RAD51B: variants seen among roughly 807,000 people sequenced by gnomAD.
RAD51B encodes DNA repair protein RAD51 homolog 2.
Under a neutral mutation model 42.2 loss-of-function variants are expected in RAD51B, and 38 were observed. That is an observed-to-expected ratio of 0.90 (90% CI 0.70 to 1.18). RAD51B has a LOEUF of 1.18. Among genes scored for constraint, RAD51B ranks in the 50% most tolerant of loss-of-function variants. The pLI is 0.00. For synonymous variants in RAD51B, 154 were observed against 145.2 expected (o/e 1.06, Z -0.43); for missense variants, 373 against 400.7 (o/e 0.93, Z 0.59).
chr14:68,597,529 A>G (rs1891051871), downstream of RAD51B, among the ~76,000 whole-genome samples: 1 of 152,204 alleles, frequency 6.6e-6, no homozygotes, highest in African/African-American at 2.4e-5. Context: ...TCCTTAAGAA[A>G]CTAATGCAAG....
At chr14:67,917,639 T>C (rs183923983) in intron 7 of RAD51B, among the ~76,000 whole-genome samples, 7 of 152,280 alleles carry the variant, frequency 4.6e-5, no homozygotes, top group Admixed American at 3.9e-4. Context: ...AATCATTGAA[T>C]TTTGTATATA....
At chr14:68,125,601 A>C (rs181841811) in intron 7 of RAD51B, among the ~76,000 whole-genome samples, 37 of 152,290 alleles carry the variant, frequency 2.4e-4, no homozygotes, top group African/African-American at 8.7e-4. Context: ...TAATGTGTAC[A>C]TATTCAGGTT....
intron 8 of RAD51B, among the ~76,000 whole-genome samples, chr14:68,374,816 A>C (rs961979735): frequency 4.0e-5 from 6 of 150,592 alleles, no homozygotes; most frequent in African/African-American, 1.5e-4. Flanking sequence ...GCTTCTCATT[A>C]GCTGAAACCG....
chr14:68,432,030 G>T (rs541643575), intron 9 of RAD51B, among the ~76,000 whole-genome samples: 1 of 152,290 alleles, frequency 6.6e-6, no homozygotes, highest in African/African-American at 2.4e-5. Flanking sequence ...TTCAGCAGCA[G>T]GTTGTTCAGT....
At chr14:68,654,405 T>A (rs753988718) in intron 11 of RAD51B, among the ~76,000 whole-genome samples, 105 of 152,350 alleles carry the variant, frequency 6.9e-4, no homozygotes, top group Non-Finnish European at 1.1e-3. Context: ...TGCTTTTAGA[T>A]CAGGCTCATG....
chr14:68,425,996 C>CTTCA, intron 9 of RAD51B, among the ~76,000 whole-genome samples: 1 of 131,184 alleles, frequency 7.6e-6, no homozygotes, highest in South Asian at 2.3e-4. Flanking sequence ...TCCTTCCTTC[C>CTTCA]TTCCTTCCTT....
intron 7 of RAD51B, among the ~76,000 whole-genome samples, chr14:68,029,980 G>A (rs1267242056): frequency 1.3e-5 from 2 of 152,172 alleles, no homozygotes; most frequent in Admixed American, 6.5e-5. Flanking sequence ...TTGTCAATAA[G>A]CAATACTATT....
At chr14:68,211,464 A>G (rs1279761384) in intron 7 of RAD51B, among the ~76,000 whole-genome samples, 1 of 152,204 alleles carries the variant, frequency 6.6e-6, no homozygotes, top group Non-Finnish European at 1.5e-5. Context: ...TATGGTATAC[A>G]TGGCTTTAAG....
intron 7 of RAD51B, among the ~76,000 whole-genome samples, chr14:68,020,695 C>G (rs1427914467): frequency 2.0e-5 from 3 of 152,002 alleles, no homozygotes; most frequent in Non-Finnish European, 4.4e-5. Context: ...TTGCGCAAGA[C>G]TGTGAATATA....
At chr14:68,292,388 A>G (rs756899295) in intron 8 of RAD51B, among the ~76,000 whole-genome samples, 15 of 152,146 alleles carry the variant, frequency 9.9e-5, no homozygotes, top group Non-Finnish European at 1.9e-4. Context: ...CAGAGATATG[A>G]CATTCCTGAT....
At chr14:68,356,908 G>A (rs544325019) in intron 8 of RAD51B, among the ~76,000 whole-genome samples, 2,233 of 150,138 alleles carry the variant, frequency 0.015, 52 homozygotes, top group African/African-American at 0.052. Context: ...GCATGAACCC[G>A]GGAGGCGGAG....
chr14:68,371,609 G>A (rs1363336726), intron 8 of RAD51B, among the ~76,000 whole-genome samples: 1 of 152,220 alleles, frequency 6.6e-6, no homozygotes, highest in East Asian at 1.9e-4. Flanking sequence ...GGGAGGCTGA[G>A]GCAGCAGGAT....
At chr14:68,009,514 A>T (rs1384499620) in intron 7 of RAD51B, among the ~76,000 whole-genome samples, 2 of 151,940 alleles carry the variant, frequency 1.3e-5, no homozygotes, top group African/African-American at 4.8e-5. Flanking sequence ...AAATCCTGGA[A>T]TACATGTACC....
chr14:67,985,365 T>C (rs2140279540), intron 7 of RAD51B, among the ~76,000 whole-genome samples: 1 of 152,310 alleles, frequency 6.6e-6, no homozygotes, highest in Non-Finnish European at 1.5e-5. Flanking sequence ...TGTAAGAGAC[T>C]CAGCACAAAA....
At chr14:67,823,667 A>G (rs1356774438) in intron 2 of RAD51B, 40 bp downstream of exon 2, 2 of 1,494,292 alleles carry the variant, frequency 1.3e-6, no homozygotes, top group African/African-American at 1.4e-5. Flanking sequence ...AGTTTTATGC[A>G]CAAGTTAACT....
intron 10 of RAD51B, among the ~76,000 whole-genome samples, chr14:68,601,406 C>T (rs1566951160): frequency 6.6e-6 from 1 of 152,154 alleles, no homozygotes; most frequent in East Asian, 1.9e-4. Context: ...AGTTTCCATG[C>T]CTATAAACAG....
chr14:68,356,305 G>A (rs1262284326), intron 8 of RAD51B, among the ~76,000 whole-genome samples: 1 of 151,842 alleles, frequency 6.6e-6, no homozygotes, highest in East Asian at 1.9e-4. Context: ...TGCAGTGGCG[G>A]GCGCCTGTGG....
intron 9 of RAD51B, among the ~76,000 whole-genome samples, chr14:68,430,931 A>C (rs896649862): frequency 1.3e-5 from 2 of 152,118 alleles, no homozygotes; most frequent in African/African-American, 4.8e-5. Context: ...TCCCATCAAT[A>C]CCTAATTTAT....
intron 9 of RAD51B, among the ~76,000 whole-genome samples, chr14:68,429,432 T>G (rs2140130726): frequency 6.6e-6 from 1 of 152,348 alleles, no homozygotes. Flanking sequence ...TCCTGACTTT[T>G]TAATGATCGC....
Sources: gnomAD v4.1 joint callset for allele counts (sites outside exome capture counted in the v4.1 genomes callset) on GRCh38, gnomAD v4.1.1 for gene constraint, MANE v1.5 for transcripts, NCBI Gene and HGNC (gene_info 2026-07-23, HGNC 2026-07-21) for gene names.